The following CDH4 variants were observed in gnomAD, a reference collection of about 807,000 sequenced individuals.
The protein encoded by CDH4 is cadherin 4.
Under a neutral mutation model 86.0 loss-of-function variants are expected in CDH4, and 33 were observed. That is an observed-to-expected ratio of 0.38 (90% CI 0.29 to 0.51). The LOEUF (loss-of-function observed/expected upper bound fraction) is 0.51. Among genes scored for constraint, CDH4 ranks in the 20% least tolerant of loss-of-function variants. The pLI, the probability that CDH4 is intolerant of heterozygous loss-of-function variation, is 0.86. For synonymous variants in CDH4, 555 were observed against 549.4 expected (o/e 1.01, Z -0.14); for missense variants, 1,114 against 1,307.4 (o/e 0.85, Z 2.28).
chr20:61,569,495 T>C (rs1310944434), intron 2 of CDH4, among the ~76,000 whole-genome samples: 1 of 152,162 alleles, frequency 6.6e-6, no homozygotes, highest in African/African-American at 2.4e-5. Flanking sequence ...ATACACACAA[T>C]ATTTTCCCTG....
At chr20:61,293,488 A>G (rs1354590478) in intron 2 of CDH4, among the ~76,000 whole-genome samples, 2 of 152,116 alleles carry the variant, frequency 1.3e-5, no homozygotes, top group African/African-American at 2.4e-5. Flanking sequence ...CAGTCACTCA[A>G]CCAACACTTG....
intron 9 of CDH4, among the ~76,000 whole-genome samples, chr20:61,920,433 CTTG>C (rs1345089938): frequency 7.4e-6 from 1 of 134,996 alleles, no homozygotes; most frequent in Non-Finnish European, 1.5e-5. Context: ...GGAAGCGTGT[CTTG>C]GTGATTGCAT....
chr20:61,622,684 C>A (rs1304584031), intron 2 of CDH4, among the ~76,000 whole-genome samples: 1 of 152,248 alleles, frequency 6.6e-6, no homozygotes, highest in Non-Finnish European at 1.5e-5. Flanking sequence ...GACCTCAGCA[C>A]TTGGGATTGG....
At chr20:61,695,285 C>T (rs1264563456) in intron 2 of CDH4, among the ~76,000 whole-genome samples, 1 of 152,250 alleles carries the variant, frequency 6.6e-6, no homozygotes, top group African/African-American at 2.4e-5. Flanking sequence ...CCCGCAGAGG[C>T]GTCCTGCCCG....
intron 2 of CDH4, among the ~76,000 whole-genome samples, chr20:61,489,551 ACTC>A (rs1288703082): frequency 7.8e-4 from 119 of 152,084 alleles, no homozygotes; most frequent in African/African-American, 2.8e-3. Context: ...TTGACTTGTC[ACTC>A]CTCCTTCCCC....
chr20:61,329,886 C>T (rs2084562709), intron 2 of CDH4, among the ~76,000 whole-genome samples: 1 of 51,474 alleles, frequency 1.9e-5, no homozygotes, highest in Admixed American at 1.9e-4. Flanking sequence ...ATGTTGTTCC[C>T]CTCCCTGTGA....
chr20:61,524,300 C>T (rs957203511), intron 2 of CDH4, among the ~76,000 whole-genome samples: 1 of 152,178 alleles, frequency 6.6e-6, no homozygotes, highest in South Asian at 2.1e-4. Context: ...CGTGAAAACC[C>T]GGGGAAAGCT....
chr20:61,773,429 T>G (rs1220628990), intron 4 of CDH4, among the ~76,000 whole-genome samples: 2 of 152,232 alleles, frequency 1.3e-5, no homozygotes, highest in Non-Finnish European at 2.9e-5. Flanking sequence ...TTCAAGTGGC[T>G]GCTGTGTGTG....
At chr20:61,793,908 G>T (rs2146020481) in intron 4 of CDH4, among the ~76,000 whole-genome samples, 1 of 151,200 alleles carries the variant, frequency 6.6e-6, no homozygotes, top group Non-Finnish European at 1.5e-5. Flanking sequence ...GGAGGCCAAG[G>T]CGGGTAGATC....
chr20:61,362,794 T>A (rs961656983), intron 2 of CDH4, among the ~76,000 whole-genome samples: 20 of 151,854 alleles, frequency 1.3e-4, no homozygotes, highest in African/African-American at 4.6e-4. Context: ...GGCGAGAGGA[T>A]CATGCGTTCT....
In CDH4 at chr20:61,924,357, C is replaced by T. The variant is rs757482218; in HGVS notation, c.1652C>T (p.Ala551Val). ...AVRYSKLSDP[A>V]SWLHINATNG... The stretch of plus-strand genomic sequence containing the variant: ...AGATACTCAAAGCTGTCAGACCCAG[C>T]GAGCTGGCTGCACATCAATGCCACC... Residue 551 changes from alanine (A) to valine (V), a missense_variant, in exon 11 of 16, where the codon GCG becomes GTG. Coordinates refer to ENST00000614565, the MANE Select transcript of CDH4 (RefSeq NM_001794.5). The T allele has an allele frequency of 4.3e-6, 7 of 1,613,582 alleles. No individual in the cohort carries two copies. The highest frequency in any genetic ancestry group is 2.2e-5 in the South Asian group (2 of 91,034).
chr20:61,428,361 C>G (rs1268578101), intron 2 of CDH4, among the ~76,000 whole-genome samples: 4 of 152,146 alleles, frequency 2.6e-5, no homozygotes, highest in African/African-American at 4.8e-5. Context: ...GTCTCCCTAA[C>G]AGGGATACAG....
chr20:61,492,596 GA>G (rs112368283), intron 2 of CDH4, among the ~76,000 whole-genome samples: 133 of 152,268 alleles, frequency 8.7e-4, no homozygotes, highest in African/African-American at 3.0e-3. Context: ...TCCTGATGAA[GA>G]CTCAGATAGA....
At chr20:61,644,708 A>G (rs1392611558) in intron 2 of CDH4, among the ~76,000 whole-genome samples, 1 of 152,188 alleles carries the variant, frequency 6.6e-6, no homozygotes, top group Non-Finnish European at 1.5e-5. Flanking sequence ...CAATCCGTCT[A>G]TGTGGTGGGG....
chr20:61,317,945 A>G (rs945350206), intron 2 of CDH4, among the ~76,000 whole-genome samples: 4 of 152,208 alleles, frequency 2.6e-5, no homozygotes, highest in Non-Finnish European at 5.9e-5. Context: ...TGCAACTGTG[A>G]AGTGTTGTGC....
At chr20:61,669,058 C>T (rs2087358000) in intron 2 of CDH4, among the ~76,000 whole-genome samples, 1 of 152,236 alleles carries the variant, frequency 6.6e-6, no homozygotes, top group Non-Finnish European at 1.5e-5. Flanking sequence ...GTCCTTCCTT[C>T]ACCCTCGGGG....
At chr20:61,932,827 A>C (rs1422512816) in intron 13 of CDH4, among the ~76,000 whole-genome samples, 158 bp from the exon 14 acceptor site, 1 of 152,186 alleles carries the variant, frequency 6.6e-6, no homozygotes, top group East Asian at 1.9e-4. Flanking sequence ...ATGTGCAGAG[A>C]CATGCGCGTG....
chr20:61,862,565 G>T (rs973804225), intron 6 of CDH4, among the ~76,000 whole-genome samples: 1 of 152,184 alleles, frequency 6.6e-6, no homozygotes, highest in African/African-American at 2.4e-5. Context: ...CCTGCCATCC[G>T]TACTGCCTGG....
At chr20:61,744,373 G>T (rs889980662) in intron 3 of CDH4, among the ~76,000 whole-genome samples, 1 of 148,584 alleles carries the variant, frequency 6.7e-6, no homozygotes, top group African/African-American at 2.5e-5. Context: ...AGGAAGAGAG[G>T]GAGAGAGAGA....
Sources: gnomAD v4.1 joint callset for allele counts (sites outside exome capture counted in the v4.1 genomes callset) on GRCh38, gnomAD v4.1.1 for gene constraint, MANE v1.5 for transcripts, NCBI Gene and HGNC (gene_info 2026-07-23, HGNC 2026-07-21) for gene names.